MYO9A: variants seen among roughly 807,000 people sequenced by gnomAD.
The protein encoded by MYO9A is myosin IXA.
MYO9A carries 103 observed loss-of-function variants against 293.3 expected under a neutral mutation model. That is an observed-to-expected ratio of 0.35 (90% CI 0.30 to 0.41). The LOEUF (loss-of-function observed/expected upper bound fraction) is 0.41. Ranked by LOEUF, MYO9A falls within the 10% of genes least tolerant of loss-of-function variation. The pLI, the probability that MYO9A is intolerant of heterozygous loss-of-function variation, is 1.00. For synonymous variants in MYO9A, 1,001 were observed against 1,035.7 expected (o/e 0.97, Z 0.64); for missense variants, 2,685 against 3,033.0 (o/e 0.89, Z 2.69).
At chr15:71,831,508 A>G (rs978564147) in intron 39 of MYO9A, among the ~76,000 whole-genome samples, 1 of 152,204 alleles carries the variant, frequency 6.6e-6, no homozygotes, top group Non-Finnish European at 1.5e-5. Flanking sequence ...TGACACTGGG[A>G]TCCCCAAGGT....
chr15:71,838,105 T>C (rs373948091), intron 39 of MYO9A, among the ~76,000 whole-genome samples: 9 of 152,250 alleles, frequency 5.9e-5, no homozygotes, highest in African/African-American at 1.9e-4. Context: ...TTTGACCTTG[T>C]AGACCTCCCT....
chr15:72,023,521 C>T (rs1460080562), intron 4 of MYO9A, among the ~76,000 whole-genome samples: 2 of 151,634 alleles, frequency 1.3e-5, no homozygotes, highest in African/African-American at 4.8e-5. Context: ...GGTGAAACCC[C>T]GTCTCTACTA....
rs1231575282 is a variant in MYO9A, at chr15:71,854,400, T to G, written c.6323A>C (p.Glu2108Ala). 1.3e-6 allele frequency: 2 copies of G among 1,597,910 alleles called. No individual in the cohort carries two copies. The highest frequency in any genetic ancestry group is 8.5e-7 in the Non-Finnish European group (1 of 1,173,620). The change falls in exon 35 of 42, where the codon GAG becomes GCG. Residue 2108 changes from glutamate (E) to alanine (A), a missense_variant. Physicochemically the swap from Glu to Ala is moderately radical, Grantham distance 107 (BLOSUM62 -1). Around this residue, in one of 10 missense-constraint regions of MYO9A, gnomAD observed 238 missense variants for 269.1 expected, o/e 0.88. Transcript: ENST00000356056. ...RKSGSTNKIK[E>A]LRQGLDTDAE... ...ACCTGTATCTAGACCCTGCCGAAGCTCCTTGATTTTATTAGTCGAACCAGA... is the reference window on the plus strand; with the variant it reads ...ACCTGTATCTAGACCCTGCCGAAGCGCCTTGATTTTATTAGTCGAACCAGA...
chr15:71,953,014 T>C (rs1403481016), intron 14 of MYO9A, among the ~76,000 whole-genome samples: 2 of 152,154 alleles, frequency 1.3e-5, no homozygotes, highest in Non-Finnish European at 2.9e-5. Context: ...CCATAAATCA[T>C]GTAATATTAT....
intron 8 of MYO9A, among the ~76,000 whole-genome samples, chr15:72,002,980 T>C (rs1235376109): frequency 6.6e-6 from 1 of 152,170 alleles, no homozygotes; most frequent in Non-Finnish European, 1.5e-5. Context: ...TTTGAAAACA[T>C]GAAAGATGGC....
At chr15:72,077,146 A>G (rs1281971877) in intron 1 of MYO9A, among the ~76,000 whole-genome samples, 2 of 152,228 alleles carry the variant, frequency 1.3e-5, no homozygotes, top group African/African-American at 2.4e-5. Context: ...GCATGGGGGA[A>G]AATCTTGGTA....
chr15:72,113,818 G>T (rs2080869479), intron 1 of MYO9A, among the ~76,000 whole-genome samples: 1 of 152,122 alleles, frequency 6.6e-6, no homozygotes, highest in Non-Finnish European at 1.5e-5. Flanking sequence ...ATGAGAAAAA[G>T]AGCTGAGCCA....
chr15:71,938,580 G>C (rs1199609533), intron 16 of MYO9A, among the ~76,000 whole-genome samples: 1 of 152,086 alleles, frequency 6.6e-6, no homozygotes, highest in Non-Finnish European at 1.5e-5. Context: ...AATGCAAGAA[G>C]GGTCTCAGCA....
rs1328861103 is a variant in MYO9A, at chr15:71,978,229, T to C, written c.1786A>G (p.Ile596Val). 3.7e-6 allele frequency: 6 copies of C among 1,613,286 alleles called. No homozygotes were observed. Among genetic ancestry groups the C allele is most frequent in the Non-Finnish European group, 5.1e-6 (6 of 1,179,466 alleles). ...GTTGGTTTTTTGCTAATAAGATTTATGCAGCAGGTATTATCAATGTAATCT... is the reference window on the plus strand; with the variant it reads ...GTTGGTTTTTTGCTAATAAGATTTACGCAGCAGGTATTATCAATGTAATCT... Reference protein sequence around the residue: ...NIDYIDNTCCINLISKKPTGL... With the variant: ...NIDYIDNTCCVNLISKKPTGL... Residue 596 changes from isoleucine to valine, a missense_variant, in exon 12 of 42, where the codon ATA becomes GTA. Around this residue, in one of 10 missense-constraint regions of MYO9A, gnomAD observed 201 missense variants for 245.2 expected, o/e 0.82. Coordinates refer to ENST00000356056, the MANE Select transcript of MYO9A (RefSeq NM_006901.4).
intron 32 of MYO9A, among the ~76,000 whole-genome samples, chr15:71,870,579 G>T (rs981696258): frequency 1.3e-5 from 2 of 152,174 alleles, no homozygotes; most frequent in African/African-American, 4.8e-5. Flanking sequence ...ATTAAGATTT[G>T]AGTATACTGT....
intron 18 of MYO9A, among the ~76,000 whole-genome samples, chr15:71,922,569 C>T (rs1276646869): frequency 6.9e-6 from 1 of 144,638 alleles, no homozygotes; most frequent in South Asian, 2.3e-4. Context: ...CTAACTGAAA[C>T]ATTATCCTTT....
At chr15:72,096,160 C>CAAA (rs990440272) in intron 1 of MYO9A, among the ~76,000 whole-genome samples, 1 of 61,492 alleles carries the variant, frequency 1.6e-5, no homozygotes. Flanking sequence ...GAGACTGTCT[C>CAAA]AAAAAAAAAA....
chr15:72,045,964 G>A lies in MYO9A; in HGVS notation c.600C>T (p.Val200=). 2 of 1,614,128 alleles carry A rather than the reference G, an allele frequency of 1.2e-6. No homozygotes were observed. The highest frequency in any genetic ancestry group is 1.7e-6 in the Non-Finnish European group (2 of 1,180,030). ...CCAGTTGGTGGTTATCATACATTTT[G>A]ACATATTTGGGGTTATAAATAGGAA... is the stretch of plus-strand genomic sequence containing the variant. ...KFLPIYNPKY[V]KMYDNHQLGK... The change falls in exon 2 of 42, where the codon GTC becomes GTT. Residue 200 remains valine (V), a synonymous_variant. Coordinates refer to ENST00000356056, the MANE Select transcript of MYO9A (RefSeq NM_006901.4).
In MYO9A at chr15:71,826,756, C is replaced by A; in HGVS notation, c.7471G>T (p.Gly2491Ter). 6.2e-7 allele frequency: 1 copy of A among 1,614,114 alleles called. No homozygotes were observed. The highest frequency in any genetic ancestry group is 2.2e-5 in the East Asian group (1 of 44,880). The change falls in exon 42 of 42, where the codon GGA (glycine) becomes TGA (stop). Residue 2491 changes from glycine to a stop codon, truncating the protein, a stop_gained. Transcript: ENST00000356056. LOFTEE classifies it high-confidence loss of function. Reference protein sequence around the residue: ...LEDKPQFISRGTFNPEKGKQK... With the variant: ...LEDKPQFISR ...TTGCCCTTTTCCGGGTTGAAGGTTCCTCTGCTGATGAACTGAGGCTTGTCT... is the reference window on the plus strand; with the variant it reads ...TTGCCCTTTTCCGGGTTGAAGGTTCATCTGCTGATGAACTGAGGCTTGTCT...
rs1311935943 is a variant in MYO9A, at chr15:71,823,136, A to AGTAT, written c.*3440_*3443dup. On this transcript the variant is annotated 3_prime_UTR_variant, in exon 42 of 42. Transcript: ENST00000356056. ...GGAGGATGAGGAAAGCCATGGAGTG[A>AGTAT]GTATGTATGTTTCTTTTTAAAATGA... 1.3e-5 allele frequency: 2 copies of AGTAT among 151,980 alleles called. No individual in the cohort carries two copies. The highest frequency in any genetic ancestry group is 2.9e-5 in the Non-Finnish European group (2 of 68,000). The allele number at this position is 151,980 out of a possible 1,614,324, so 9.4% of individuals were successfully genotyped here.
At position 71,948,719 on chromosome 15, in the gene MYO9A, T is replaced by C. The variant is rs183048174; in HGVS notation, c.2302+3058A>G. On this transcript the variant is annotated intron_variant, in intron 15 of 41. Transcript: ENST00000356056. ...GCCTGAAGAATTTCTATTATCATTT[T>C]CCATATAATACATATGTTGACAAAT... 1.5e-3 allele frequency among the ~76,000 whole-genome samples: 221 copies of C among 152,328 alleles called. 1 individual carries two copies. Among genetic ancestry groups the C allele is most frequent in the African/African-American group, 4.9e-3 (202 of 41,574 alleles).
Position 71,851,478 on chromosome 15 carries a change from T to C in MYO9A, c.6476-120A>G, listed in dbSNP as rs1396596062. On this transcript the variant is annotated intron_variant, in intron 36 of 41. Coordinates refer to ENST00000356056, the MANE Select transcript of MYO9A (RefSeq NM_006901.4). Reference sequence around the variant, plus strand: ...AGAGTTTTAGGAGTAGTTGTACCTGTAGGGCAGGAGAAGAGCAACTCACAG... The same window carrying C: ...AGAGTTTTAGGAGTAGTTGTACCTGCAGGGCAGGAGAAGAGCAACTCACAG... The C allele has an allele frequency of 4.6e-6, 3 of 656,866 alleles. No individual in the cohort carries two copies. The African/African-American group carries it at 5.5e-5, about 12-fold the overall frequency. The allele number at this position is 656,866 out of a possible 1,614,324, so 40.7% of individuals were successfully genotyped here. A position where few individuals can be genotyped will look rare whatever the true frequency, so the allele number is the denominator to read the frequency against.
chr15:72,103,456 A>C (rs370670164), intron 1 of MYO9A, among the ~76,000 whole-genome samples: 577 of 146,312 alleles, frequency 3.9e-3, no homozygotes, highest in Non-Finnish European at 6.2e-3. Flanking sequence ...GCAGCAGCAG[A>C]AGAAGAAGCA....
intron 34 of MYO9A, among the ~76,000 whole-genome samples, chr15:71,854,853 G>A (rs2055802049): frequency 6.6e-6 from 1 of 152,162 alleles, no homozygotes; most frequent in African/African-American, 2.4e-5. Context: ...GCAAAGGTGG[G>A]ATTTGGGTGT....
Sources: gnomAD v4.1 joint callset for allele counts (sites outside exome capture counted in the v4.1 genomes callset) on GRCh38, gnomAD v4.1.1 for gene constraint, gnomAD v4.1.1 regional missense constraint, MANE v1.5 for transcripts, NCBI Gene and HGNC (gene_info 2026-07-23, HGNC 2026-07-21) for gene names.